C7: variants seen among roughly 807,000 people sequenced by gnomAD.
C7 encodes the protein complement C7, also known as complement component C7.
A neutral mutation model predicts 104.8 loss-of-function variants in C7; 83 were observed. The observed-to-expected ratio is 0.79, with a 90% CI of 0.66 to 0.95. The LOEUF (loss-of-function observed/expected upper bound fraction) is 0.95. C7 is among the 40% of genes least tolerant of loss of function. The pLI is 0.00. For missense variants in C7, 1,070 were observed against 1,011.2 expected (o/e 1.06, Z -0.79); for synonymous variants, 415 against 360.6 (o/e 1.15, Z -1.71).
Position 40,947,582 on chromosome 5 carries a change from A to C in C7, c.739-20A>C. The C allele has an allele frequency of 2.5e-6, 4 of 1,611,796 alleles. No homozygotes were observed. The highest frequency in any genetic ancestry group is 3.4e-6 in the Non-Finnish European group (4 of 1,178,816). ...TTATCTTCCACCTAAAACTCCTTGT[A>C]CTCTTTCTTCTTTCCACAGAGTTAC... On this transcript the variant is annotated intron_variant, in intron 7 of 17. Coordinates refer to ENST00000313164, the MANE Select transcript of C7 (RefSeq NM_000587.4).
intron 1 of C7, among the ~76,000 whole-genome samples, chr5:40,924,379 GC>G (rs1739507374): frequency 6.6e-6 from 1 of 152,186 alleles, no homozygotes; most frequent in African/African-American, 2.4e-5. Context: ...CTTTGGCTTT[GC>G]AGGGTTCAGC....
intron 1 of C7, among the ~76,000 whole-genome samples, chr5:40,912,330 G>A (rs1046797381): frequency 5.9e-5 from 9 of 152,272 alleles, no homozygotes; most frequent in African/African-American, 2.2e-4. Flanking sequence ...AGGCATCCAT[G>A]ATGATAAAAA....
chr5:40,940,588 T>C lies in C7; in HGVS notation c.567+2898T>C, dbSNP rs116699176. On this transcript the variant is annotated intron_variant, in intron 6 of 17. Transcript: ENST00000313164. The stretch of plus-strand genomic sequence containing the variant: ...TTCTAAAGGCAATTTTAATGAATGC[T>C]GCATTATCTAAGCCTTTGCTTCCTC... 9.7e-3 allele frequency among the ~76,000 whole-genome samples: 1,471 copies of C among 152,352 alleles called. 24 individuals carry two copies. Among genetic ancestry groups the C allele is most frequent in the African/African-American group, 0.034 (1,419 of 41,582 alleles).
intron 15 of C7, among the ~76,000 whole-genome samples, chr5:40,975,192 C>T (rs1740787429): frequency 6.6e-6 from 1 of 152,044 alleles, no homozygotes; most frequent in Admixed American, 6.5e-5. Context: ...TAACATCTTA[C>T]ATAACACAAC....
chr5:40,966,516 C>T (rs894206024), intron 14 of C7, among the ~76,000 whole-genome samples: 11 of 151,946 alleles, frequency 7.2e-5, no homozygotes, highest in Non-Finnish European at 1.0e-4. Context: ...GTAGCTGGGA[C>T]TACAGGTGCA....
intron 3 of C7, among the ~76,000 whole-genome samples, chr5:40,932,289 T>C (rs1362779822): frequency 6.6e-6 from 1 of 152,186 alleles, no homozygotes; most frequent in African/African-American, 2.4e-5. Flanking sequence ...TTTTTTATTG[T>C]TTGATATTTA....
chr5:40,948,710 C>G (rs538555736), intron 8 of C7, among the ~76,000 whole-genome samples: 118 of 152,294 alleles, frequency 7.7e-4, no homozygotes, highest in African/African-American at 2.7e-3. Flanking sequence ...TACTAATGTT[C>G]CAAGTCAAAC....
Position 40,940,330 on chromosome 5 carries a change from A to G in C7, c.567+2640A>G, listed in dbSNP as rs368733251. Among the ~76,000 whole-genome samples, 15 of 152,290 alleles carry G rather than the reference A, an allele frequency of 9.8e-5. No homozygotes were observed. In the South Asian group the frequency reaches 2.9e-3, roughly 29 times the overall value. ...TTCTCTGTCTACTTATACATTTTATACAACAAGGAAGGCATTTATGGCTTG... is the reference window on the plus strand; with the variant it reads ...TTCTCTGTCTACTTATACATTTTATGCAACAAGGAAGGCATTTATGGCTTG... On this transcript the variant is annotated intron_variant, in intron 6 of 17. Coordinates refer to ENST00000313164, the MANE Select transcript of C7 (RefSeq NM_000587.4).
At position 40,959,459 on chromosome 5, in the gene C7, T is replaced by C; in HGVS notation, c.1500T>C (p.Asp500=). The change falls in exon 12 of 18, where the codon GAT becomes GAC. Residue 500 remains aspartate (D), a synonymous_variant. Transcript: ENST00000313164. ...TTTCTCATCTTGTAGGAGGGGTTGA[T>C]GGAGGTTGGAGTTGCTGGTCCTCTT... The part of the protein sequence containing the change: ...VLVGNQAGGV[D]GGWSCWSSWS... 1.9e-6 allele frequency: 3 copies of C among 1,610,506 alleles called. No individual in the cohort carries two copies. Among genetic ancestry groups the C allele is most frequent in the Non-Finnish European group, 2.5e-6 (3 of 1,178,972 alleles).
intron 17 of C7, among the ~76,000 whole-genome samples, chr5:40,980,800 T>A (rs1740926228): frequency 6.6e-6 from 1 of 152,222 alleles, no homozygotes; most frequent in Non-Finnish European, 1.5e-5. Flanking sequence ...CATACATATG[T>A]GACTCTAGCC....
intron 10 of C7, among the ~76,000 whole-genome samples, chr5:40,955,985 G>T (rs138119530): frequency 6.6e-6 from 1 of 152,210 alleles, no homozygotes; most frequent in African/African-American, 2.4e-5. Flanking sequence ...TAACAAGTTG[G>T]CTGGCAGAAT....
intron 7 of C7, among the ~76,000 whole-genome samples, chr5:40,947,381 T>C (rs1740071883): frequency 6.6e-6 from 1 of 152,144 alleles, no homozygotes; most frequent in East Asian, 1.9e-4. Context: ...CCACCTTGCC[T>C]GGCCATTACT....
rs1028310123 is a variant in C7 at position 40,937,375 on chromosome 5, G to A, written c.429-177G>A. On this transcript the variant is annotated intron_variant, in intron 5 of 17. Transcript: ENST00000313164. ...TACCAAGCAGGGGAAGCTGGATAAT[G>A]TATGGTGTGTATTAGGATGCTGTGC... 1.9e-5 allele frequency: 8 copies of A among 431,510 alleles called. No individual in the cohort carries two copies. The South Asian group carries it at 3.7e-4, about 20-fold the overall frequency. The allele number at this position is 431,510 out of a possible 1,614,324, so 26.7% of individuals were successfully genotyped here.
intron 1 of C7, among the ~76,000 whole-genome samples, chr5:40,912,080 T>C (rs1486089102): frequency 1.3e-5 from 2 of 152,294 alleles, no homozygotes; most frequent in Non-Finnish European, 2.9e-5. Flanking sequence ...AATTCTTTTA[T>C]AGAGTCAGTT....
At chr5:40,929,548 G>A (rs1469908369) in intron 2 of C7, among the ~76,000 whole-genome samples, 1 of 152,146 alleles carries the variant, frequency 6.6e-6, no homozygotes, top group Non-Finnish European at 1.5e-5. Flanking sequence ...ACCCTCTTAA[G>A]ACATGCAAGA....
At chr5:40,912,896 T>C (rs1739237533) in intron 1 of C7, among the ~76,000 whole-genome samples, 1 of 152,210 alleles carries the variant, frequency 6.6e-6, no homozygotes, top group Non-Finnish European at 1.5e-5. Context: ...AGTGTATCTA[T>C]CTTCCAAATA....
chr5:40,909,769 T>C lies in C7; in HGVS notation c.6+153T>C, dbSNP rs564759065. Among the ~76,000 whole-genome samples the C allele has an allele frequency of 3.3e-5, 5 of 152,170 alleles. No individual in the cohort carries two copies. In the East Asian group the frequency reaches 7.7e-4, roughly 23 times the overall value. ...GAGGAAAATACAGAAGAAAAAGACC[T>C]GGGGGTGATGTTTAGAAATCCTTAT... On this transcript the variant is annotated intron_variant, in intron 1 of 17. Coordinates refer to ENST00000313164, the MANE Select transcript of C7 (RefSeq NM_000587.4).
intron 8 of C7, among the ~76,000 whole-genome samples, chr5:40,948,833 G>T (rs1740104755): frequency 6.6e-6 from 1 of 152,114 alleles, no homozygotes; most frequent in Admixed American, 6.6e-5. Context: ...CCTTGGAGAA[G>T]AATAAGATCT....
Position 40,981,573 on chromosome 5 carries a change from G to A in C7, c.2532G>A (p.Ter844=), listed in dbSNP as rs1242633643. 5.6e-6 allele frequency: 9 copies of A among 1,601,262 alleles called. No homozygotes were observed. The Admixed American group carries it at 1.5e-4, about 27-fold the overall frequency. Residue 844 remains the stop codon, a stop_retained_variant, in exon 18 of 18, where the codon TAG becomes TAA. Transcript: ENST00000313164. ...GGCCTTGTGCTGCGGAAACCCAGTA[G>A]GCTCCTGGAGGCCCTGGTCAGCTTG... is the stretch of plus-strand genomic sequence containing the variant. ...SIRPCAAETQ[*]
Sources: gnomAD v4.1 joint callset for allele counts (sites outside exome capture counted in the v4.1 genomes callset) on GRCh38, gnomAD v4.1.1 for gene constraint, MANE v1.5 for transcripts, NCBI Gene and HGNC (gene_info 2026-07-23, HGNC 2026-07-21) for gene names.